Variants in TSHZ2 observed in about 807,000 individuals in gnomAD.
TSHZ2 encodes the protein teashirt homolog 2.
TSHZ2 carries 21 observed loss-of-function variants against 74.4 expected under a neutral mutation model. The observed-to-expected ratio is 0.28, with a 90% confidence interval of 0.20 to 0.41. The LOEUF (loss-of-function observed/expected upper bound fraction) is 0.41. Ranked by LOEUF, TSHZ2 falls within the 10% of genes least tolerant of loss-of-function variation. The pLI, the probability that TSHZ2 is intolerant of heterozygous loss-of-function variation, is 1.00. For missense variants in TSHZ2, 1,244 were observed against 1,293.5 expected (o/e 0.96, Z 0.59); for synonymous variants, 540 against 515.3 (o/e 1.05, Z -0.65).
intron 1 of TSHZ2, among the ~76,000 whole-genome samples, chr20:52,981,251 C>T (rs1439494010): frequency 1.3e-5 from 2 of 152,170 alleles, no homozygotes; most frequent in East Asian, 1.9e-4. Context: ...CCCGGGCAAG[C>T]TCTAGAGATA....
At chr20:53,417,271 CA>C (rs1983300019) in intron 2 of TSHZ2, among the ~76,000 whole-genome samples, 2 of 151,386 alleles carry the variant, frequency 1.3e-5, no homozygotes, top group South Asian at 2.1e-4. Flanking sequence ...CACACACACA[CA>C]CACACACCAT....
At chr20:53,301,086 C>T (rs930944733) in intron 2 of TSHZ2, among the ~76,000 whole-genome samples, 2 of 152,102 alleles carry the variant, frequency 1.3e-5, no homozygotes, top group African/African-American at 4.8e-5. Context: ...CCCACCTCAG[C>T]CTCCCAAGTA....
At chr20:53,049,298 C>T (rs1984340280) in intron 1 of TSHZ2, among the ~76,000 whole-genome samples, 1 of 152,062 alleles carries the variant, frequency 6.6e-6, no homozygotes, top group Non-Finnish European at 1.5e-5. Flanking sequence ...TCTAGTTTCC[C>T]TCATGCAACA....
intron 1 of TSHZ2, among the ~76,000 whole-genome samples, chr20:53,009,168 A>T (rs566049677): frequency 7.3e-5 from 11 of 151,462 alleles, no homozygotes; most frequent in East Asian, 1.9e-4. Flanking sequence ...CGCTACAAAA[A>T]ATATATATAT....
At chr20:53,264,916 G>C (rs1038318982) in intron 2 of TSHZ2, among the ~76,000 whole-genome samples, 1 of 152,170 alleles carries the variant, frequency 6.6e-6, no homozygotes, top group Non-Finnish European at 1.5e-5. Flanking sequence ...CTCAGGGAAG[G>C]CCTCATTGGG....
intron 1 of TSHZ2, among the ~76,000 whole-genome samples, chr20:53,046,049 C>T (rs894558109): frequency 6.6e-6 from 1 of 152,130 alleles, no homozygotes; most frequent in African/African-American, 2.4e-5. Context: ...ACTCCAAGAT[C>T]CAAGGAGGGC....
At chr20:53,215,816 C>T (rs918158689) in intron 1 of TSHZ2, among the ~76,000 whole-genome samples, 2 of 149,406 alleles carry the variant, frequency 1.3e-5, no homozygotes, top group East Asian at 2.0e-4. Flanking sequence ...TGTGGTGAGC[C>T]GAGGTCGCGC....
chr20:53,471,897 C>G (rs1985817850), intron 2 of TSHZ2, among the ~76,000 whole-genome samples: 1 of 151,300 alleles, frequency 6.6e-6, no homozygotes, highest in Non-Finnish European at 1.5e-5. Context: ...ACCTCCATCT[C>G]CCAGTTCAAG....
In TSHZ2 at chr20:53,459,060, C is replaced by A. The variant is rs530395586; in HGVS notation, c.*9-28084C>A. Reference sequence around the variant, plus strand: ...TTCTGTTGATTTGGGGTGGAGAGTCCTGTAGATGTCTATTAGGTCCGCTTG... The same window carrying A: ...TTCTGTTGATTTGGGGTGGAGAGTCATGTAGATGTCTATTAGGTCCGCTTG... On this transcript the variant is annotated intron_variant, in intron 2 of 2. Coordinates refer to ENST00000371497, the MANE Select transcript of TSHZ2 (RefSeq NM_173485.6). Among the ~76,000 whole-genome samples the A allele has an allele frequency of 3.9e-5, 6 of 152,168 alleles. 1 individual carries two copies. Among genetic ancestry groups the A allele is most frequent in the Non-Finnish European group, 8.8e-5 (6 of 68,004 alleles).
At chr20:53,352,389 C>T (rs1980683272) in intron 2 of TSHZ2, among the ~76,000 whole-genome samples, 2 of 151,956 alleles carry the variant, frequency 1.3e-5, no homozygotes, top group East Asian at 3.8e-4. Flanking sequence ...AGGAAATAGT[C>T]TTATAAACTA....
intron 2 of TSHZ2, among the ~76,000 whole-genome samples, chr20:53,360,058 G>A (rs535214150): frequency 7.0e-4 from 107 of 152,258 alleles, no homozygotes; most frequent in African/African-American, 2.5e-3. Context: ...CAACTGAAAT[G>A]GACTTTTCAG....
intron 2 of TSHZ2, chr20:53,398,974 G>A (rs1982557175): frequency 6.6e-6 from 1 of 152,148 alleles, no homozygotes; most frequent in South Asian, 2.1e-4. Context: ...GCCACAACAT[G>A]TGTTATGCTG....
intron 2 of TSHZ2, chr20:53,401,242 C>CA (rs1259427912): frequency 1.3e-5 from 2 of 152,190 alleles, no homozygotes; most frequent in African/African-American, 4.8e-5. Context: ...AGGCTAGGAA[C>CA]AAATATACAA....
intron 1 of TSHZ2, among the ~76,000 whole-genome samples, chr20:53,080,326 A>G (rs1161686654): frequency 6.6e-6 from 1 of 152,168 alleles, no homozygotes; most frequent in African/African-American, 2.4e-5. Flanking sequence ...AAGGAAGAGG[A>G]TGGTATTTCC....
chr20:53,232,716 C>T (rs1336261991), intron 1 of TSHZ2, among the ~76,000 whole-genome samples: 1 of 152,046 alleles, frequency 6.6e-6, no homozygotes, highest in Non-Finnish European at 1.5e-5. Flanking sequence ...GGCAACAGAG[C>T]GAGACCCCCC....
chr20:53,124,434 G>A (rs760650385), intron 1 of TSHZ2, among the ~76,000 whole-genome samples: 22 of 152,226 alleles, frequency 1.4e-4, no homozygotes, highest in Non-Finnish European at 3.1e-4. Flanking sequence ...TGACTGGTTT[G>A]TTCCAGAGGG....
intron 1 of TSHZ2, among the ~76,000 whole-genome samples, chr20:53,039,604 C>T (rs1163126383): frequency 6.6e-6 from 1 of 152,060 alleles, no homozygotes; most frequent in East Asian, 1.9e-4. Flanking sequence ...CATGGTGAAA[C>T]TCCGTCTCCA....
At chr20:53,055,799 C>G (rs1984620870) in intron 1 of TSHZ2, among the ~76,000 whole-genome samples, 1 of 152,166 alleles carries the variant, frequency 6.6e-6, no homozygotes, top group Non-Finnish European at 1.5e-5. Context: ...AGTTTGAATC[C>G]AGCCTGCAGT....
At position 53,482,254 on chromosome 20, in the gene TSHZ2, C is replaced by T. The variant is rs139152954; in HGVS notation, c.*9-4890C>T. The stretch of plus-strand genomic sequence containing the variant: ...GTATAAGAAGCAGTGGTTGAAGAGA[C>T]AAGAATGACCACAGGCCCAACATCT... On this transcript the variant is annotated intron_variant, in intron 2 of 2. Transcript: ENST00000371497. Among the ~76,000 whole-genome samples, 21 of 151,668 alleles carry T rather than the reference C, an allele frequency of 1.4e-4. 1 individual carries two copies. The highest frequency in any genetic ancestry group is 2.5e-4 in the Non-Finnish European group (17 of 67,950).
Sources: gnomAD v4.1 joint callset for allele counts (sites outside exome capture counted in the v4.1 genomes callset) on GRCh38, gnomAD v4.1.1 for gene constraint, MANE v1.5 for transcripts, NCBI Gene and HGNC (gene_info 2026-07-23, HGNC 2026-07-21) for gene names.